The following GPC6 variants were observed in gnomAD, a reference collection of about 807,000 sequenced individuals.
GPC6 encodes glypican 6.
Under a neutral mutation model 55.2 loss-of-function variants are expected in GPC6, and 14 were observed. That is an observed-to-expected ratio of 0.25 (90% CI 0.17 to 0.40). The LOEUF is 0.40. Among genes scored for constraint, GPC6 ranks in the 10% least tolerant of loss-of-function variants. The probability of loss-of-function intolerance (pLI) is 1.00; values close to 1 mark genes in which losing one functional copy is unlikely to be tolerated. For synonymous variants in GPC6, 278 were observed against 259.6 expected (o/e 1.07, Z -0.68); for missense variants, 641 against 708.5 (o/e 0.90, Z 1.08).
chr13:93,741,721 T>C (rs543845682), intron 2 of GPC6, among the ~76,000 whole-genome samples: 3 of 152,188 alleles, frequency 2.0e-5, no homozygotes, highest in Non-Finnish European at 4.4e-5. Flanking sequence ...GTTTTGCTTT[T>C]TTCCATAAAC....
intron 3 of GPC6, among the ~76,000 whole-genome samples, chr13:93,871,164 C>G (rs1372052956): frequency 1.3e-5 from 2 of 151,880 alleles, no homozygotes; most frequent in South Asian, 2.1e-4. Context: ...ATGAGACAGA[C>G]TCTGTCTGCA....
At chr13:93,897,072 T>C (rs935924083) in intron 3 of GPC6, among the ~76,000 whole-genome samples, 2 of 151,896 alleles carry the variant, frequency 1.3e-5, no homozygotes, top group African/African-American at 4.8e-5. Flanking sequence ...AGCCAAATTA[T>C]GTTTTTTTAT....
chr13:93,867,254 T>C (rs1450114927), intron 3 of GPC6, among the ~76,000 whole-genome samples: 1 of 151,886 alleles, frequency 6.6e-6, no homozygotes, highest in East Asian at 2.0e-4. Flanking sequence ...TGTAGAAAAC[T>C]TGGAACATTT....
intron 1 of GPC6, among the ~76,000 whole-genome samples, chr13:93,425,630 C>T (rs1449697590): frequency 6.6e-6 from 1 of 152,216 alleles, no homozygotes. Flanking sequence ...GATCACCATG[C>T]TCCAGTAATC....
At chr13:93,910,995 GCTTT>G (rs749524247) in intron 3 of GPC6, among the ~76,000 whole-genome samples, 9 of 152,234 alleles carry the variant, frequency 5.9e-5, no homozygotes, top group Non-Finnish European at 8.8e-5. Flanking sequence ...CTCAGACCTG[GCTTT>G]CTTTGAAATC....
chr13:93,372,889 T>C (rs1874730422), intron 1 of GPC6, among the ~76,000 whole-genome samples: 1 of 152,166 alleles, frequency 6.6e-6, no homozygotes, highest in Admixed American at 6.5e-5. Context: ...TAAACAACTG[T>C]GGTTTGTATT....
chr13:93,302,450 T>A (rs1170481537), intron 1 of GPC6, among the ~76,000 whole-genome samples: 2 of 152,226 alleles, frequency 1.3e-5, no homozygotes, highest in Non-Finnish European at 2.9e-5. Flanking sequence ...AATAGCACTT[T>A]GTATTCAGTG....
At chr13:94,299,264 T>TCAGTGTATTCTTACCAGCA (rs1357567126) in intron 5 of GPC6, among the ~76,000 whole-genome samples, 1 of 152,274 alleles carries the variant, frequency 6.6e-6, no homozygotes, top group Non-Finnish European at 1.5e-5. Context: ...CCTCATGTTT[T>TCAGTGTATTCTTACCAGCA]CAGTGTATTC....
chr13:94,111,678 T>C (rs1886254401), intron 4 of GPC6, among the ~76,000 whole-genome samples: 1 of 152,050 alleles, frequency 6.6e-6, no homozygotes, highest in Non-Finnish European at 1.5e-5. Flanking sequence ...ATAGAATCAT[T>C]ATAGCACTTC....
intron 4 of GPC6, among the ~76,000 whole-genome samples, chr13:94,242,026 G>A (rs1018899971): frequency 2.6e-4 from 39 of 151,678 alleles, no homozygotes; most frequent in South Asian, 1.0e-3. Flanking sequence ...CCATTAACTC[G>A]TCATTTACAT....
At chr13:94,116,332 C>T (rs1412312560) in intron 4 of GPC6, among the ~76,000 whole-genome samples, 1 of 151,962 alleles carries the variant, frequency 6.6e-6, no homozygotes, top group East Asian at 1.9e-4. Flanking sequence ...GAGACAGATA[C>T]AGCCTCCAAA....
At chr13:93,413,395 C>T (rs1173690891) in intron 1 of GPC6, among the ~76,000 whole-genome samples, 1 of 152,098 alleles carries the variant, frequency 6.6e-6, no homozygotes, top group Non-Finnish European at 1.5e-5. Flanking sequence ...GAACCAATTT[C>T]ACTAGCATTT....
At chr13:93,650,270 A>T (rs534453288) in intron 2 of GPC6, among the ~76,000 whole-genome samples, 20 of 152,170 alleles carry the variant, frequency 1.3e-4, no homozygotes, top group Non-Finnish European at 1.5e-4. Flanking sequence ...AATATTATAG[A>T]TGGATCTAAA....
At chr13:94,063,859 C>T (rs1884422690) in intron 4 of GPC6, among the ~76,000 whole-genome samples, 1 of 152,092 alleles carries the variant, frequency 6.6e-6, no homozygotes, top group Non-Finnish European at 1.5e-5. Flanking sequence ...ATCTCATTTG[C>T]CTCTAATTCT....
At chr13:93,489,079 T>C (rs1272054125) in intron 1 of GPC6, among the ~76,000 whole-genome samples, 53 of 151,560 alleles carry the variant, frequency 3.5e-4, no homozygotes, top group Admixed American at 3.3e-3. Context: ...GCCTAGGTTT[T>C]CTTCTAGGGT....
chr13:94,228,353 A>G (rs1449546123), intron 4 of GPC6, among the ~76,000 whole-genome samples: 1 of 152,210 alleles, frequency 6.6e-6, no homozygotes, highest in Non-Finnish European at 1.5e-5. Context: ...TAACACAAAT[A>G]CATGTATTTA....
chr13:93,259,640 A>G (rs2139038808), intron 1 of GPC6, among the ~76,000 whole-genome samples: 1 of 151,944 alleles, frequency 6.6e-6, no homozygotes, highest in South Asian at 2.1e-4. Flanking sequence ...GTTTGTTATT[A>G]TAGGGAACTG....
Position 93,810,902 on chromosome 13 carries a change from C to T in GPC6, c.320-19252C>T, listed in dbSNP as rs566973708. Among the ~76,000 whole-genome samples the T allele has an allele frequency of 3.3e-5, 5 of 152,266 alleles. No individual in the cohort carries two copies. In the South Asian group the frequency reaches 1.0e-3, roughly 32 times the overall value. On this transcript the variant is annotated intron_variant, in intron 2 of 8. Coordinates refer to ENST00000377047, the MANE Select transcript of GPC6 (RefSeq NM_005708.5). Reference sequence around the variant, plus strand: ...TGATAAGAAACTGATAACCAGTTTGCTTAATGTTGTTTTATCTTCACATAT... The same window carrying T: ...TGATAAGAAACTGATAACCAGTTTGTTTAATGTTGTTTTATCTTCACATAT...
chr13:94,272,469 T>C (rs939864692), intron 4 of GPC6, among the ~76,000 whole-genome samples: 17 of 127,578 alleles, frequency 1.3e-4, no homozygotes, highest in African/African-American at 3.6e-4. Context: ...TTTTCTTTTT[T>C]TTTTTTTTTT....
Sources: allele counts gnomAD v4.1 joint callset (sites outside exome capture counted in the v4.1 genomes callset), GRCh38; gene constraint gnomAD v4.1.1; transcripts MANE v1.5; gene names NCBI Gene and HGNC (gene_info 2026-07-23, HGNC 2026-07-21).